Variants in PAPOLG observed in about 807,000 individuals in gnomAD.
The protein encoded by PAPOLG is PAP-gamma.
PAPOLG carries 40 observed loss-of-function variants against 99.0 expected under a neutral mutation model. The ratio of observed to expected loss-of-function variants is 0.40; its 90% CI spans 0.31 to 0.53. The LOEUF (loss-of-function observed/expected upper bound fraction) is 0.53. Ranked by LOEUF, PAPOLG falls within the 20% of genes least tolerant of loss-of-function variation. The pLI is 0.41. For missense variants in PAPOLG, 675 were observed against 884.1 expected, an observed-to-expected ratio of 0.76 and a Z score of 3.00; for synonymous variants, 310 against 299.3, an observed-to-expected ratio of 1.04 and a Z score of -0.37.
Position 60,794,013 on chromosome 2 carries a change from G to A in PAPOLG, c.1811G>A (p.Cys604Tyr). 6.2e-7 allele frequency: 1 copy of A among 1,612,972 alleles called. No homozygotes were observed. The highest frequency in any genetic ancestry group is 8.5e-7 in the Non-Finnish European group (1 of 1,178,984). ...TVKTVSPPTV[C>Y]TIPTVVGRNV... ...AAAACTGTATCACCCCCCACTGTGT[G>A]TACCATTCCTACCGTAGTAGGACGA... The change falls in exon 19 of 22, where the codon TGT becomes TAT. Residue 604 changes from cysteine (C) to tyrosine (Y), a missense_variant. Coordinates refer to ENST00000238714, the MANE Select transcript of PAPOLG (RefSeq NM_022894.4).
intron 8 of PAPOLG, among the ~76,000 whole-genome samples, chr2:60,777,527 G>A (rs1671057323): frequency 6.6e-6 from 1 of 152,176 alleles, no homozygotes; most frequent in Non-Finnish European, 1.5e-5. Context: ...ATTCACTGGA[G>A]AGTAGCACTT....
intron 8 of PAPOLG, among the ~76,000 whole-genome samples, chr2:60,777,549 C>G (rs1671058002): frequency 1.3e-5 from 2 of 152,084 alleles, no homozygotes; most frequent in South Asian, 4.1e-4. Flanking sequence ...TAATTTCTGT[C>G]AATAACTTTT....
At position 60,774,468 on chromosome 2, in the gene PAPOLG, C is replaced by T. The variant is rs530185464; in HGVS notation, c.605-566C>T. On this transcript the variant is annotated intron_variant, in intron 7 of 21. Transcript: ENST00000238714. ...ACAACCTCCGCCTCCCGGGTTCAAG[C>T]GATTCTCCTGCCTCAGCCCTTTGAG... Among the ~76,000 whole-genome samples the T allele has an allele frequency of 3.4e-3, 509 of 151,718 alleles. 2 individuals are homozygous for T. Among genetic ancestry groups the T allele is most frequent in the African/African-American group, 0.012 (501 of 41,340 alleles).
intron 1 of PAPOLG, 124 bp from the exon 2 acceptor site, chr2:60,760,010 T>C: frequency 1.1e-6 from 1 of 941,088 alleles, no homozygotes; most frequent in African/African-American, 1.7e-5. Flanking sequence ...TGTCTGCCAC[T>C]ACTGTTATTA....
In PAPOLG at chr2:60,756,435, T is replaced by C; in HGVS notation, c.-44T>C. 2.5e-6 allele frequency: 4 copies of C among 1,603,402 alleles called. No individual in the cohort carries two copies. The South Asian group carries it at 3.3e-5, about 13-fold the overall frequency. On this transcript the variant is annotated 5_prime_UTR_variant, in exon 1 of 22. Transcript: ENST00000238714. ...GAGAAGGGAACAGCAAGAACAGGAC[T>C]CCAGAGCGATAAACACTCGCTGGAG...
Position 60,797,147 on chromosome 2 carries a change from C to CCCTT in PAPOLG, c.2199_2202dup (p.Asn735ProfsTer2). On this transcript the variant is annotated frameshift_variant, in exon 22 of 22. Transcript: ENST00000238714. LOFTEE classifies it high-confidence loss of function. ...GTCATCAAAAATTCCATTCGACTGA[C>CCCTT]CCTTAATCGGTAAAAGCAGTGCCTC... 6.2e-7 allele frequency: 1 copy of CCCTT among 1,614,102 alleles called. No individual in the cohort carries two copies. The highest frequency in any genetic ancestry group is 8.5e-7 in the Non-Finnish European group (1 of 1,179,988).
rs1231018429 is a variant in PAPOLG, at chr2:60,801,620, G to A, written c.*4460G>A. 1 of 152,144 alleles carries A rather than the reference G, an allele frequency of 6.6e-6. No homozygotes were observed. The highest frequency in any genetic ancestry group is 2.1e-4 in the South Asian group (1 of 4,814). The allele number at this position is 152,144 out of a possible 1,614,324, so 9.4% of individuals were successfully genotyped here. A position where few individuals can be genotyped will look rare whatever the true frequency, so the allele number is the denominator to read the frequency against. On this transcript the variant is annotated 3_prime_UTR_variant, in exon 22 of 22. Coordinates refer to ENST00000238714, the MANE Select transcript of PAPOLG (RefSeq NM_022894.4). Reference sequence around the variant, plus strand: ...CACCATGTGGGCCTGGCTAATTTTTGTAGAGATGGGGTTTCAACATGTTGG... The same window carrying A: ...CACCATGTGGGCCTGGCTAATTTTTATAGAGATGGGGTTTCAACATGTTGG...
intron 17 of PAPOLG, 123 bp from the exon 18 acceptor site, chr2:60,793,504 C>G (rs1023109786): frequency 1.8e-6 from 2 of 1,117,894 alleles, no homozygotes; most frequent in Non-Finnish European, 2.6e-6. Flanking sequence ...GTTGAGGCTG[C>G]AGTGAGCTGT....
chr2:60,796,097 A>C (rs1367553981), intron 21 of PAPOLG, among the ~76,000 whole-genome samples: 2 of 152,016 alleles, frequency 1.3e-5, no homozygotes, highest in Non-Finnish European at 2.9e-5. Flanking sequence ...GTTTTAATGC[A>C]TATGGATATG....
intron 2 of PAPOLG, 139 bp from the exon 3 acceptor site, chr2:60,761,602 G>C (rs1048556863): frequency 1.5e-6 from 1 of 658,948 alleles, no homozygotes; most frequent in African/African-American, 1.8e-5. Flanking sequence ...CCCTGTGTCA[G>C]TAGATGTGAT....
At chr2:60,766,711 G>T (rs566616153) in intron 3 of PAPOLG, among the ~76,000 whole-genome samples, 2 of 148,768 alleles carry the variant, frequency 1.3e-5, no homozygotes, top group South Asian at 4.2e-4. Context: ...AAAAACAAAA[G>T]ATGCCCAGAA....
Position 60,797,172 on chromosome 2 carries a change from C to G in PAPOLG, c.*12C>G. Reference sequence around the variant, plus strand: ...CCCTTAATCGGTAAAAGCAGTGCCTCCTCACTTAAGTGAACAAGCAATCAT... The same window carrying G: ...CCCTTAATCGGTAAAAGCAGTGCCTGCTCACTTAAGTGAACAAGCAATCAT... On this transcript the variant is annotated 3_prime_UTR_variant, in exon 22 of 22. Coordinates refer to ENST00000238714, the MANE Select transcript of PAPOLG (RefSeq NM_022894.4). The G allele has an allele frequency of 1.2e-6, 2 of 1,613,658 alleles. No individual in the cohort carries two copies. Among genetic ancestry groups the G allele is most frequent in the Non-Finnish European group, 1.7e-6 (2 of 1,179,642 alleles).
At chr2:60,773,704 A>G (rs1670925452) in intron 7 of PAPOLG, among the ~76,000 whole-genome samples, 1 of 152,008 alleles carries the variant, frequency 6.6e-6, no homozygotes, top group Admixed American at 6.6e-5. Flanking sequence ...AAAATGTGAA[A>G]AAAAAAAAAC....
At position 60,756,538 on chromosome 2, in the gene PAPOLG, T is replaced by C. The variant is rs201352881; in HGVS notation, c.17+43T>C. 6 of 1,558,486 alleles carry C rather than the reference T, an allele frequency of 3.8e-6. No individual in the cohort carries two copies. In the East Asian group the frequency reaches 1.4e-4, roughly 36 times the overall value. ...GCGGTTGGGGTGAGGCGGGTAGGGG[T>C]GAGCTGAGGTGGTCCGACTGTGTCC... On this transcript the variant is annotated intron_variant, in intron 1 of 21. Transcript: ENST00000238714.
At chr2:60,793,057 T>C (rs1449803641) in intron 17 of PAPOLG, among the ~76,000 whole-genome samples, 1 of 151,184 alleles carries the variant, frequency 6.6e-6, no homozygotes, top group Non-Finnish European at 1.5e-5. Context: ...AAACAAAAAT[T>C]AGCTCGGCAT....
intron 5 of PAPOLG, among the ~76,000 whole-genome samples, chr2:60,769,444 CA>C (rs1670782464): frequency 6.6e-6 from 1 of 152,004 alleles, no homozygotes; most frequent in Non-Finnish European, 1.5e-5. Context: ...ACTAAATAAA[CA>C]AAACAGTGTT....
rs1031921062 is a variant in PAPOLG at position 60,794,054 on chromosome 2, A to G, written c.1852A>G (p.Ile618Val). The part of the protein sequence containing the change: ...TVVGRNVIPR[I>V]TTPHNPAQGQ... ...AGTAGGACGAAATGTCATTCCTAGA[A>G]TCACAACACCTCACAACCCTGCCCA... is the stretch of plus-strand genomic sequence containing the variant. Residue 618 changes from isoleucine (I) to valine (V), a missense_variant, in exon 19 of 22, where the codon ATC becomes GTC. Physicochemically the swap from Ile to Val is conservative, Grantham distance 29. Transcript: ENST00000238714. 5.0e-6 allele frequency: 8 copies of G among 1,614,048 alleles called. No homozygotes were observed. The African/African-American group carries it at 8.0e-5, about 16-fold the overall frequency.
Position 60,794,083 on chromosome 2 carries a change from A to G in PAPOLG, c.1881A>G (p.Gly627=). ...RITTPHNPAQ[G]QPHLNGMSNI... ...CAACACCTCACAACCCTGCCCAGGG[A>G]CAACCGCATCTGAATGGAATGTCAA... The change falls in exon 19 of 22, where the codon GGA becomes GGG. Residue 627 remains glycine (G), a synonymous_variant. Transcript: ENST00000238714. 1.2e-6 allele frequency: 2 copies of G among 1,614,154 alleles called. No individual in the cohort carries two copies. The highest frequency in any genetic ancestry group is 3.3e-5 in the Admixed American group (2 of 60,016).
intron 7 of PAPOLG, among the ~76,000 whole-genome samples, chr2:60,772,987 G>A (rs527701718): frequency 6.6e-6 from 1 of 151,912 alleles, no homozygotes; most frequent in African/African-American, 2.4e-5. Context: ...GTGCGATGGC[G>A]CGATCTCAGC....
Sources: gnomAD v4.1 joint callset for allele counts (sites outside exome capture counted in the v4.1 genomes callset) on GRCh38, gnomAD v4.1.1 for gene constraint, MANE v1.5 for transcripts, NCBI Gene and HGNC (gene_info 2026-07-23, HGNC 2026-07-21) for gene names.